CFAP61: variants seen among roughly 807,000 people sequenced by gnomAD.
The protein encoded by CFAP61 is cilia and flagella associated protein 61.
CFAP61 carries 107 observed loss-of-function variants against 135.6 expected under a neutral mutation model. That is an observed-to-expected ratio of 0.79 (90% CI 0.67 to 0.93). The LOEUF is 0.93. Ranked by LOEUF, CFAP61 falls within the 40% of genes least tolerant of loss-of-function variation. CFAP61 has a pLI of 0.00. For missense variants in CFAP61, 1,507 were observed against 1,556.2 expected, an observed-to-expected ratio of 0.97 and a Z score of 0.53; for synonymous variants, 575 against 578.5, an observed-to-expected ratio of 0.99 and a Z score of 0.09.
intron 13 of CFAP61, among the ~76,000 whole-genome samples, chr20:20,175,652 G>A (rs913883347): frequency 1.1e-4 from 17 of 151,872 alleles, no homozygotes; most frequent in Admixed American, 7.9e-4. Context: ...TCAGCCTCCC[G>A]AGTAGCTGGG....
In CFAP61 at chr20:20,090,737, T is replaced by C. The variant is rs1012536117; in HGVS notation, c.567-107T>C. 314 of 1,034,530 alleles carry C rather than the reference T, an allele frequency of 3.0e-4. 1 individual carries two copies. Among genetic ancestry groups the C allele is most frequent in the Non-Finnish European group, 4.0e-4 (278 of 698,934 alleles). The allele number at this position is 1,034,530 out of a possible 1,614,324, so 64.1% of individuals were successfully genotyped here. A position where few individuals can be genotyped will look rare whatever the true frequency, so the allele number is the denominator to read the frequency against. ...AGAAGGAAAGTTGATATCATGAGTG[T>C]TGCTCTAGCCCCGGCACTTAGAACA... On this transcript the variant is annotated intron_variant, in intron 6 of 26. Transcript: ENST00000245957.
At chr20:20,281,743 G>A (rs929688462) in intron 22 of CFAP61, among the ~76,000 whole-genome samples, 5 of 152,172 alleles carry the variant, frequency 3.3e-5, no homozygotes, top group Non-Finnish European at 7.4e-5. Context: ...GTCCTTGTAA[G>A]GTTTTGGTGT....
intron 8 of CFAP61, among the ~76,000 whole-genome samples, chr20:20,100,199 T>C (rs2047917979): frequency 6.6e-6 from 1 of 150,926 alleles, no homozygotes; most frequent in East Asian, 1.9e-4. Flanking sequence ...TGAGATGGAA[T>C]TTAACTCTTG....
chr20:20,246,185 A>G lies in CFAP61; in HGVS notation c.2129A>G (p.Asp710Gly), dbSNP rs916228243. 6.2e-7 allele frequency: 1 copy of G among 1,613,580 alleles called. No homozygotes were observed. Among genetic ancestry groups the G allele is most frequent in the Admixed American group, 1.7e-5 (1 of 60,022 alleles). ...GGACTCCCAGGAAAAAAACTTCTGGACACTGAACAAAGGAAATTTTTAGCC... is the reference window on the plus strand; with the variant it reads ...GGACTCCCAGGAAAAAAACTTCTGGGCACTGAACAAAGGAAATTTTTAGCC... ...THGLPGKKLL[D>G]TEQRKFLASD... Residue 710 changes from aspartate to glycine, a missense_variant, in exon 19 of 27, where the codon GAC (aspartate) becomes GGC (glycine). Asp to Gly is a moderately conservative substitution (Grantham distance 94). Transcript: ENST00000245957.
At chr20:20,271,542 G>A (rs1327905) in intron 21 of CFAP61, among the ~76,000 whole-genome samples, 17,564 of 152,094 alleles carry the variant, frequency 0.12, 1,121 homozygotes, top group Middle Eastern at 0.22. Context: ...GAATGACTTC[G>A]GGCTCCTTCT....
intron 26 of CFAP61, among the ~76,000 whole-genome samples, chr20:20,344,767 A>G (rs917994313): frequency 6.6e-6 from 1 of 152,198 alleles, no homozygotes; most frequent in Admixed American, 6.5e-5. Flanking sequence ...TCCAAAAGAA[A>G]GGAAATCAGT....
chr20:20,342,860 CTGTTTT>C (rs1459636274), intron 26 of CFAP61, among the ~76,000 whole-genome samples: 1 of 148,982 alleles, frequency 6.7e-6, no homozygotes, highest in Non-Finnish European at 1.5e-5. Context: ...TTTTTTGTTT[CTGTTTT>C]TGTTTTTTTT....
chr20:20,077,808 T>C (rs930852511), intron 6 of CFAP61, among the ~76,000 whole-genome samples: 2 of 146,856 alleles, frequency 1.4e-5, no homozygotes, highest in African/African-American at 5.5e-5. Context: ...TGGGTTAAGA[T>C]AGGGGTTGTG....
At chr20:20,294,327 A>G (rs2055230965) in intron 24 of CFAP61, among the ~76,000 whole-genome samples, 1 of 152,216 alleles carries the variant, frequency 6.6e-6, no homozygotes, top group Non-Finnish European at 1.5e-5. Flanking sequence ...CTACAAGGGT[A>G]ATTTGTGTCT....
At chr20:20,080,961 C>A in intron 6 of CFAP61, among the ~76,000 whole-genome samples, 1 of 151,404 alleles carries the variant, frequency 6.6e-6, no homozygotes, top group East Asian at 1.9e-4. Flanking sequence ...GAGATTGTGC[C>A]ATTGTACTCC....
chr20:20,176,148 A>G (rs1475345333), intron 13 of CFAP61, among the ~76,000 whole-genome samples: 1 of 152,182 alleles, frequency 6.6e-6, no homozygotes, highest in Non-Finnish European at 1.5e-5. Context: ...AAAAACCACA[A>G]AGAAATAGCA....
chr20:20,276,420 C>A (rs1389187511), intron 21 of CFAP61, among the ~76,000 whole-genome samples: 1 of 152,166 alleles, frequency 6.6e-6, no homozygotes, highest in Non-Finnish European at 1.5e-5. Context: ...TTAATAGTGT[C>A]ATTGACCTTA....
intron 1 of CFAP61, among the ~76,000 whole-genome samples, chr20:20,052,989 C>G (rs1003534026): frequency 6.6e-6 from 1 of 152,102 alleles, no homozygotes; most frequent in African/African-American, 2.4e-5. Flanking sequence ...ACTTTGAAGC[C>G]AGATATTAGG....
intron 25 of CFAP61, among the ~76,000 whole-genome samples, chr20:20,333,646 C>T (rs1446488557): frequency 6.6e-6 from 1 of 152,158 alleles, no homozygotes; most frequent in East Asian, 1.9e-4. Flanking sequence ...TAACATATTC[C>T]ATCTTCTAAG....
At chr20:20,211,364 A>G (rs536167336) in intron 17 of CFAP61, among the ~76,000 whole-genome samples, 1 of 152,348 alleles carries the variant, frequency 6.6e-6, no homozygotes, top group South Asian at 2.1e-4. Flanking sequence ...CTCATTCTCC[A>G]GGGTTGAGCC....
At chr20:20,152,213 A>G (rs2424288) in intron 9 of CFAP61, among the ~76,000 whole-genome samples, 137,338 of 152,094 alleles carry the variant, frequency 0.9, 62,833 homozygotes, top group Middle Eastern at 0.99. Context: ...ATACTAAAAA[A>G]AGTTCTAAAT....
intron 2 of CFAP61, among the ~76,000 whole-genome samples, chr20:20,063,980 TG>T (rs1320080592): frequency 6.6e-6 from 1 of 151,354 alleles, no homozygotes. Flanking sequence ...AAGCTCATTA[TG>T]GGGTAAATTG....
At chr20:20,053,427 C>T in intron 1 of CFAP61, among the ~76,000 whole-genome samples, 1 of 152,192 alleles carries the variant, frequency 6.6e-6, no homozygotes, top group Admixed American at 6.5e-5. Context: ...TACATTGACA[C>T]ATCATTATCA....
At position 20,090,876 on chromosome 20, in the gene CFAP61, T is replaced by G; in HGVS notation, c.599T>G (p.Phe200Cys). The G allele has an allele frequency of 6.2e-7, 1 of 1,614,072 alleles. No individual in the cohort carries two copies. Among genetic ancestry groups the G allele is most frequent in the South Asian group, 1.1e-5 (1 of 91,078 alleles). Reference protein sequence around the residue: ...VEDHDDLMPIFMRYDTILKET... With the variant: ...VEDHDDLMPICMRYDTILKET... Reference sequence around the variant, plus strand: ...GACCATGACGATCTCATGCCAATATTTATGCGCTATGACACAATTCTGAAG... The same window carrying G: ...GACCATGACGATCTCATGCCAATATGTATGCGCTATGACACAATTCTGAAG... Residue 200 changes from phenylalanine (F) to cysteine (C), a missense_variant, in exon 7 of 27, where the codon TTT (phenylalanine) becomes TGT (cysteine). Physicochemically the swap from Phe to Cys is radical, Grantham distance 205. Coordinates refer to ENST00000245957, the MANE Select transcript of CFAP61 (RefSeq NM_015585.4).
Sources: allele counts gnomAD v4.1 joint callset (sites outside exome capture counted in the v4.1 genomes callset), GRCh38; gene constraint gnomAD v4.1.1; transcripts MANE v1.5; gene names NCBI Gene and HGNC (gene_info 2026-07-23, HGNC 2026-07-21).